The following NUDT9 variants were observed in gnomAD, a reference collection of about 807,000 sequenced individuals.
NUDT9 encodes the protein nudix hydrolase 9, also known as ADP-ribose pyrophosphatase.
NUDT9 carries 31 observed loss-of-function variants against 41.0 expected under a neutral mutation model. That is an observed-to-expected ratio of 0.76 (90% CI 0.57 to 1.02). The LOEUF (loss-of-function observed/expected upper bound fraction) is 1.02, where lower values mean the gene tolerates loss of function less well. Among genes scored for constraint, NUDT9 ranks in the 50% least tolerant of loss-of-function variants. The pLI is 0.00. For synonymous variants in NUDT9, 146 were observed against 147.6 expected, an observed-to-expected ratio of 0.99 and a Z score of 0.08; for missense variants, 380 against 431.4, an observed-to-expected ratio of 0.88 and a Z score of 1.06.
intron 7 of NUDT9, among the ~76,000 whole-genome samples, chr4:87,455,276 G>C (rs1722934983): frequency 6.6e-6 from 1 of 152,110 alleles, no homozygotes; most frequent in African/African-American, 2.4e-5. Context: ...TGTTGAACTT[G>C]GAGGAAACTC....
At chr4:87,447,793 G>A (rs1722526294) in intron 4 of NUDT9, among the ~76,000 whole-genome samples, 1 of 152,082 alleles carries the variant, frequency 6.6e-6, no homozygotes, top group East Asian at 1.9e-4. Flanking sequence ...CAGCACTTTG[G>A]GATGCCGAGG....
chr4:87,441,072 G>C (rs1016179756), intron 3 of NUDT9, among the ~76,000 whole-genome samples: 2 of 152,124 alleles, frequency 1.3e-5, no homozygotes, highest in Admixed American at 6.6e-5. Flanking sequence ...ATGGCAAAAA[G>C]GGAAATTTTG....
chr4:87,428,189 A>G (rs1020682396), intron 1 of NUDT9, among the ~76,000 whole-genome samples: 6 of 152,166 alleles, frequency 3.9e-5, no homozygotes, highest in Non-Finnish European at 7.3e-5. Context: ...GCAGATGTAA[A>G]GTGAGTGTAA....
intron 1 of NUDT9, among the ~76,000 whole-genome samples, chr4:87,424,577 A>G (rs1274331119): frequency 6.6e-6 from 1 of 151,732 alleles, no homozygotes; most frequent in East Asian, 1.9e-4. Context: ...GCATATTCTT[A>G]TTTTACTTTG....
At chr4:87,450,848 T>A (rs1272806087) in intron 5 of NUDT9, among the ~76,000 whole-genome samples, 1 of 152,214 alleles carries the variant, frequency 6.6e-6, no homozygotes, top group East Asian at 1.9e-4. Flanking sequence ...AATCAGTGTA[T>A]TTTTAGTATC....
Position 87,457,938 on chromosome 4 carries a change from C to T in NUDT9, c.970C>T (p.His324Tyr). The T allele has an allele frequency of 6.2e-7, 1 of 1,601,236 alleles. No individual in the cohort carries two copies. Among genetic ancestry groups the T allele is most frequent in the Non-Finnish European group, 8.5e-7 (1 of 1,175,898 alleles). Residue 324 changes from histidine (H) to tyrosine (Y), a missense_variant, in exon 8 of 8, where the codon CAC becomes TAC. His to Tyr is a moderately conservative substitution (Grantham distance 83). Coordinates refer to ENST00000302174, the MANE Select transcript of NUDT9 (RefSeq NM_024047.5). Reference protein sequence around the residue: ...INDKLKLYASHSQFIKLVAEK... With the variant: ...INDKLKLYASYSQFIKLVAEK... ...TGATAAACTGAAGCTTTATGCCAGT[C>T]ACTCTCAATTCATCAAACTTGTGGC...
At chr4:87,450,115 G>A (rs760790669) in intron 5 of NUDT9, among the ~76,000 whole-genome samples, 7 of 151,898 alleles carry the variant, frequency 4.6e-5, no homozygotes, top group Non-Finnish European at 8.8e-5. Flanking sequence ...TGCCTGCCCC[G>A]GGGCCTCCCA....
At chr4:87,437,019 C>G (rs1721966685) in intron 2 of NUDT9, among the ~76,000 whole-genome samples, 1 of 151,998 alleles carries the variant, frequency 6.6e-6, no homozygotes, top group African/African-American at 2.4e-5. Flanking sequence ...GAGGCCGAGG[C>G]AGGCGGATCA....
intron 1 of NUDT9, among the ~76,000 whole-genome samples, chr4:87,424,111 CTTGGAGA>C (rs1035082001): frequency 2.4e-4 from 36 of 152,198 alleles, no homozygotes; most frequent in African/African-American, 8.2e-4. Context: ...GGACTTTTTG[CTTGGAGA>C]TTGGGGAGGG....
intron 1 of NUDT9, among the ~76,000 whole-genome samples, chr4:87,431,037 C>T (rs1452515937): frequency 6.6e-6 from 1 of 152,122 alleles, no homozygotes; most frequent in African/African-American, 2.4e-5. Context: ...GAAATTTTGT[C>T]AGCATGTGTT....
At position 87,441,928 on chromosome 4, in the gene NUDT9, A is replaced by C. The variant is rs1417115980; in HGVS notation, c.530+13A>C. On this transcript the variant is annotated intron_variant, in intron 4 of 7. Transcript: ENST00000302174. ...CCATTATAACCAGGTAAGAACCAAT[A>C]AAAAGCATATCAGTAGCAAAGAGCT... The C allele has an allele frequency of 2.5e-6, 4 of 1,577,408 alleles. No homozygotes were observed. The highest frequency in any genetic ancestry group is 2.6e-6 in the Non-Finnish European group (3 of 1,162,380).
intron 2 of NUDT9, among the ~76,000 whole-genome samples, chr4:87,436,722 T>A (rs1323731929): frequency 2.0e-5 from 3 of 152,218 alleles, no homozygotes; most frequent in Admixed American, 2.0e-4. Context: ...GATGGCAGAT[T>A]GGCTAGAAGT....
At chr4:87,445,417 CGTT>C (rs1245459796) in intron 4 of NUDT9, 7 of 152,208 alleles carry the variant, frequency 4.6e-5, no homozygotes, top group Admixed American at 4.6e-4. Context: ...TTCAAAACAG[CGTT>C]GTTCAGGATT....
Position 87,435,066 on chromosome 4 carries a change from G to T in NUDT9, c.193G>T (p.Ala65Ser), listed in dbSNP as rs895400482. The change falls in exon 2 of 8, where the codon GCT (alanine) becomes TCT (serine). Residue 65 changes from alanine to serine, a missense_variant. By Grantham distance (99) the Ala-to-Ser change is moderately conservative. Coordinates refer to ENST00000302174, the MANE Select transcript of NUDT9 (RefSeq NM_024047.5). ...NGSKENSHNKARTSPYPGSKV... is the reference protein window; with the variant it reads ...NGSKENSHNKSRTSPYPGSKV... Reference sequence around the variant, plus strand: ...TTCCAAAGAAAATTCTCACAATAAGGCTCGGACGTCTCCTTACCCAGGTTC... The same window carrying T: ...TTCCAAAGAAAATTCTCACAATAAGTCTCGGACGTCTCCTTACCCAGGTTC... 2 of 1,614,076 alleles carry T rather than the reference G, an allele frequency of 1.2e-6. No individual in the cohort carries two copies. The highest frequency in any genetic ancestry group is 2.2e-5 in the East Asian group (1 of 44,874).
chr4:87,457,296 T>C (rs1353962513), intron 7 of NUDT9, among the ~76,000 whole-genome samples: 3 of 145,592 alleles, frequency 2.1e-5, no homozygotes, highest in Non-Finnish European at 4.5e-5. Context: ...AGTGCAGTGG[T>C]GTGATCTTGG....
intron 1 of NUDT9, among the ~76,000 whole-genome samples, 186 bp from the exon 2 acceptor site, chr4:87,434,795 T>C (rs1361950371): frequency 2.0e-5 from 3 of 152,100 alleles, no homozygotes; most frequent in Non-Finnish European, 4.4e-5. Flanking sequence ...AATTTTGTAT[T>C]TTTAGTAGAG....
chr4:87,450,502 C>A (rs1722665565), intron 5 of NUDT9, among the ~76,000 whole-genome samples: 1 of 151,356 alleles, frequency 6.6e-6, no homozygotes, highest in African/African-American at 2.4e-5. Context: ...CCTCAGCCTC[C>A]CGAGTAGCTG....
intron 4 of NUDT9, among the ~76,000 whole-genome samples, chr4:87,443,273 G>A (rs1390850446): frequency 6.6e-6 from 1 of 152,108 alleles, no homozygotes; most frequent in African/African-American, 2.4e-5. Flanking sequence ...GCCTGCACAT[G>A]TATATTACAT....
chr4:87,430,064 G>A (rs1721613451), intron 1 of NUDT9, among the ~76,000 whole-genome samples: 2 of 152,112 alleles, frequency 1.3e-5, no homozygotes, highest in African/African-American at 2.4e-5. Flanking sequence ...TGGAAGGTGC[G>A]CCTGATTTAA....
Sources: allele counts gnomAD v4.1 joint callset (sites outside exome capture counted in the v4.1 genomes callset), GRCh38; gene constraint gnomAD v4.1.1; transcripts MANE v1.5; gene names NCBI Gene and HGNC (gene_info 2026-07-23, HGNC 2026-07-21).